AGMO: variants seen among roughly 807,000 people sequenced by gnomAD.
AGMO encodes glyceryl-ether monooxygenase.
In AGMO, 75 loss-of-function variants were observed where a neutral mutation model predicts 60.2. That is an observed-to-expected ratio of 1.25 (90% confidence interval 1.03 to 1.51). The LOEUF (loss-of-function observed/expected upper bound fraction) is 1.51. AGMO is among the 40% of genes most tolerant of loss of function. AGMO has a pLI of 0.00. For missense variants in AGMO, 763 were observed against 525.5 expected (o/e 1.45, Z -4.42); for synonymous variants, 261 against 177.1 (o/e 1.47, Z -3.76).
rs183924039 is a variant in AGMO at position 15,376,352 on chromosome 7, G to A, written c.1074+9094C>T. Among the ~76,000 whole-genome samples the A allele has an allele frequency of 1.1e-4, 17 of 151,130 alleles. No individual in the cohort carries two copies. In the East Asian group the frequency reaches 3.3e-3, roughly 29 times the overall value. ...ATTTGTGCAGGTGGCACTCTCTGCT[G>A]TAAGAGTCGACCAAAATATATTGAT... On this transcript the variant is annotated intron_variant, in intron 10 of 12. Transcript: ENST00000342526.
intron 3 of AGMO, among the ~76,000 whole-genome samples, chr7:15,454,073 A>G (rs1781929360): frequency 6.7e-6 from 1 of 150,290 alleles, no homozygotes; most frequent in African/African-American, 2.4e-5. Flanking sequence ...AGAGAACTTA[A>G]TGACACATGT....
At chr7:15,349,631 C>G (rs774096939) in intron 12 of AGMO, among the ~76,000 whole-genome samples, 2 of 152,094 alleles carry the variant, frequency 1.3e-5, no homozygotes, top group Non-Finnish European at 2.9e-5. Flanking sequence ...TATTCTCATG[C>G]TGCTATGAAG....
chr7:15,425,893 T>TA (rs372964309), intron 4 of AGMO, among the ~76,000 whole-genome samples: 118 of 152,316 alleles, frequency 7.7e-4, no homozygotes, highest in African/African-American at 2.5e-3. Flanking sequence ...ATGACAGAGC[T>TA]AAAAAATTCA....
intron 2 of AGMO, among the ~76,000 whole-genome samples, chr7:15,554,950 G>A (rs976955867): frequency 1.3e-5 from 2 of 151,756 alleles, no homozygotes; most frequent in African/African-American, 2.4e-5. Context: ...GCCCTAAAAC[G>A]ACTCTCACGT....
At chr7:15,481,786 T>A (rs1253793079) in intron 3 of AGMO, among the ~76,000 whole-genome samples, 1 of 131,624 alleles carries the variant, frequency 7.6e-6, no homozygotes, top group African/African-American at 2.8e-5. Flanking sequence ...TGGGACTAAA[T>A]GTATTTTTTT....
the AGMO span, among the ~76,000 whole-genome samples, chr7:15,121,187 T>C: frequency 2.9e-3 from 437 of 152,314 alleles, 2 homozygotes; most frequent in Middle Eastern, 0.02. Context: ...TTCCATGCTG[T>C]ATATGTGCCA....
At chr7:15,479,954 G>C (rs1782706601) in intron 3 of AGMO, among the ~76,000 whole-genome samples, 1 of 152,108 alleles carries the variant, frequency 6.6e-6, no homozygotes, top group Admixed American at 6.5e-5. Context: ...AAGAGTCAAA[G>C]GGTGACTTAA....
the AGMO span, among the ~76,000 whole-genome samples, chr7:15,193,802 CAA>C: frequency 6.6e-6 from 1 of 152,076 alleles, no homozygotes; most frequent in Non-Finnish European, 1.5e-5. Flanking sequence ...AAATTTTTTT[CAA>C]AGTCTTACTC....
chr7:15,345,019 T>C (rs74474427), intron 12 of AGMO, among the ~76,000 whole-genome samples: 2,103 of 152,290 alleles, frequency 0.014, 55 homozygotes, highest in African/African-American at 0.047. Context: ...TTCAAGCCAC[T>C]GTCACATCTT....
intron 12 of AGMO, among the ~76,000 whole-genome samples, chr7:15,220,208 CTTTTTTTTTT>C (rs904364065): frequency 9.1e-6 from 1 of 109,534 alleles, no homozygotes; most frequent in Non-Finnish European, 1.8e-5. Flanking sequence ...CTGACTGTGC[CTTTTTTTTTT>C]TTTTTTTTTT....
chr7:15,405,705 G>A (rs1278456589), intron 5 of AGMO, among the ~76,000 whole-genome samples: 1 of 151,894 alleles, frequency 6.6e-6, no homozygotes, highest in African/African-American at 2.4e-5. Context: ...TCTTATGGGT[G>A]AGTATGATTA....
At position 15,465,589 on chromosome 7, in the gene AGMO, T is replaced by TTA. The variant is rs142051256; in HGVS notation, c.410-34483_410-34482dup. On this transcript the variant is annotated intron_variant, in intron 3 of 12. Coordinates refer to ENST00000342526, the MANE Select transcript of AGMO (RefSeq NM_001004320.2). ...GGCACGTGCTACCACGTCCGGCTAA[T>TTA]TATATATATATATTTATATATATAT... Among the ~76,000 whole-genome samples the TTA allele has an allele frequency of 7.8e-3, 1,132 of 145,362 alleles. 15 individuals carry two copies. Among genetic ancestry groups the TTA allele is most frequent in the African/African-American group, 0.027 (1,065 of 40,090 alleles).
intron 12 of AGMO, among the ~76,000 whole-genome samples, chr7:15,209,064 T>C (rs1054170574): frequency 3.3e-5 from 5 of 152,214 alleles, no homozygotes; most frequent in African/African-American, 9.6e-5. Context: ...CCTAATCTTC[T>C]ACCAAAAGGT....
intron 5 of AGMO, among the ~76,000 whole-genome samples, chr7:15,410,481 G>A (rs562199250): frequency 1.3e-5 from 2 of 151,302 alleles, no homozygotes; most frequent in South Asian, 2.1e-4. Flanking sequence ...AGTAAGTTGG[G>A]GATTCATTAA....
Position 15,223,982 on chromosome 7 carries a change from T to C in AGMO, c.1264-22623A>G, listed in dbSNP as rs911564425. ...GGCTATCAAGTAAAAACTTTATTATTTAAAATTCTATTATGATGAACCTCT... is the reference window on the plus strand; with the variant it reads ...GGCTATCAAGTAAAAACTTTATTATCTAAAATTCTATTATGATGAACCTCT... On this transcript the variant is annotated intron_variant, in intron 12 of 12. Transcript: ENST00000342526. Among the ~76,000 whole-genome samples, 4 of 152,164 alleles carry C rather than the reference T, an allele frequency of 2.6e-5. No individual in the cohort carries two copies. The East Asian group carries it at 7.7e-4, about 29-fold the overall frequency.
intron 12 of AGMO, among the ~76,000 whole-genome samples, chr7:15,240,354 G>A (rs749887797): frequency 1.3e-5 from 2 of 152,124 alleles, no homozygotes; most frequent in Non-Finnish European, 2.9e-5. Flanking sequence ...TTGAGCTTTT[G>A]TGTTTTATGT....
intron 10 of AGMO, among the ~76,000 whole-genome samples, chr7:15,376,898 G>C (rs529426819): frequency 6.6e-6 from 1 of 151,998 alleles, no homozygotes. Flanking sequence ...AGTAAGAAAG[G>C]AATGTGTCTC....
chr7:15,121,570 C>A, the AGMO span, among the ~76,000 whole-genome samples: 1 of 152,070 alleles, frequency 6.6e-6, no homozygotes, highest in East Asian at 1.9e-4. Context: ...CTCTAATAAC[C>A]AGTGATGATG....
intron 12 of AGMO, among the ~76,000 whole-genome samples, chr7:15,208,325 A>G (rs1781491586): frequency 6.6e-6 from 1 of 152,224 alleles, no homozygotes; most frequent in Non-Finnish European, 1.5e-5. Flanking sequence ...ACTGACCATC[A>G]TGTTGGCATA....
Sources: gnomAD v4.1 joint callset for allele counts (sites outside exome capture counted in the v4.1 genomes callset) on GRCh38, gnomAD v4.1.1 for gene constraint, MANE v1.5 for transcripts, NCBI Gene and HGNC (gene_info 2026-07-23, HGNC 2026-07-21) for gene names.